CASP5: variants seen among roughly 807,000 people sequenced by gnomAD.
CASP5 encodes the protein caspase-5.
CASP5 carries 42 observed loss-of-function variants against 45.2 expected under a neutral mutation model. The ratio of observed to expected loss-of-function variants is 0.93; its 90% CI spans 0.73 to 1.20. The LOEUF (loss-of-function observed/expected upper bound fraction) is 1.20. Among genes scored for constraint, CASP5 ranks in the 50% most tolerant of loss-of-function variants. The pLI is 0.00. For missense variants in CASP5, 512 were observed against 532.2 expected (o/e 0.96, Z 0.37); for synonymous variants, 209 against 186.2 (o/e 1.12, Z -1.00).
intron 2 of CASP5, 62 bp downstream of exon 2, chr11:105,008,745 G>C: frequency 8.5e-7 from 1 of 1,179,872 alleles, no homozygotes; most frequent in Non-Finnish European, 1.3e-6. Flanking sequence ...CACTGCATGG[G>C]ACTTATAATT....
Position 105,021,398 on chromosome 11 carries a change from G to A in CASP5, c.7+1732C>T, listed in dbSNP as rs550792706. 5.0e-4 allele frequency among the ~76,000 whole-genome samples: 74 copies of A among 147,246 alleles called. 4 individuals are homozygous for A. Among genetic ancestry groups the A allele is most frequent in the African/African-American group, 1.5e-3 (63 of 40,796 alleles). ...ACCTACAAAATGGGAGAAAATTTTC[G>A]CAACCTACTCGTCTGACAAAGGGCT... On this transcript the variant is annotated intron_variant, in intron 1 of 9. Transcript: ENST00000260315.
intron 4 of CASP5, among the ~76,000 whole-genome samples, 194 bp from the exon 5 acceptor site, chr11:105,002,395 C>A (rs1861784641): frequency 6.6e-6 from 1 of 152,156 alleles, no homozygotes. Context: ...ACTCTAGAAT[C>A]TTGAGGAAAC....
chr11:104,999,579 T>A (rs144373473), intron 6 of CASP5, among the ~76,000 whole-genome samples: 1 of 152,122 alleles, frequency 6.6e-6, no homozygotes, highest in African/African-American at 2.4e-5. Context: ...ACTAATTTCA[T>A]ACATACATAC....
chr11:104,994,426 T>G (rs1861366289), intron 9 of CASP5, 79 bp from the exon 10 acceptor site: 1 of 152,234 alleles, frequency 6.6e-6, no homozygotes. Flanking sequence ...ATGATTCTTC[T>G]TCCATCTTCT....
intron 1 of CASP5, among the ~76,000 whole-genome samples, chr11:105,020,604 T>C (rs1327135567): frequency 2.0e-5 from 3 of 150,488 alleles, no homozygotes; most frequent in South Asian, 2.1e-4. Flanking sequence ...TTACAAGGGA[T>C]GTGAAGGACC....
At chr11:105,016,355 C>G (rs995577584) in intron 1 of CASP5, among the ~76,000 whole-genome samples, 4 of 152,132 alleles carry the variant, frequency 2.6e-5, no homozygotes, top group Non-Finnish European at 5.9e-5. Flanking sequence ...CCAGCGTGAG[C>G]GAGCAGAAGA....
chr11:105,007,322 T>G lies in CASP5; in HGVS notation c.194A>C (p.Lys65Thr), dbSNP rs935115596. 5 of 1,596,522 alleles carry G rather than the reference T, an allele frequency of 3.1e-6. No homozygotes were observed. The highest frequency in any genetic ancestry group is 4.2e-6 in the Non-Finnish European group (5 of 1,177,318). Reference sequence around the variant, plus strand: ...TTCCAACATCTTAACTGTTTTTTTTTTGTGGTTGTCTTCTGTCAGAAATAG... The same window carrying G: ...TTCCAACATCTTAACTGTTTTTTTTGTGTGGTTGTCTTCTGTCAGAAATAG... ...KSTSVKKDNH[K>T]KKTVKMLEYL... Residue 65 changes from lysine (K) to threonine (T), a missense_variant, in exon 3 of 10, where the codon AAA becomes ACA. By Grantham distance (78) the Lys-to-Thr change is moderately conservative. Transcript: ENST00000260315.
Position 105,008,958 on chromosome 11 carries a change from C to A in CASP5, c.30G>T (p.Arg10Ser). The change falls in exon 2 of 10, where the codon AGG (arginine) becomes AGT (serine). Residue 10 changes from arginine to serine, a missense_variant. Arg to Ser is a moderately radical substitution (Grantham distance 110). Coordinates refer to ENST00000260315, the MANE Select transcript of CASP5 (RefSeq NM_004347.5). ...TGAACATAGCTTCAAAATTCTTACGCCTTTTTTTTTTGCCACTGTCTTCTA... is the reference window on the plus strand; with the variant it reads ...TGAACATAGCTTCAAAATTCTTACGACTTTTTTTTTTGCCACTGTCTTCTA... The part of the protein sequence containing the change: MAEDSGKKK[R>S]RKNFEAMFKG... 1.9e-6 allele frequency: 3 copies of A among 1,609,714 alleles called. No homozygotes were observed. The highest frequency in any genetic ancestry group is 1.3e-5 in the African/African-American group (1 of 74,844).
chr11:105,001,926 C>T, intron 5 of CASP5, 102 bp downstream of exon 5: 1 of 1,169,912 alleles, frequency 8.5e-7, no homozygotes, highest in Non-Finnish European at 1.2e-6. Context: ...GCACACGAAC[C>T]CAGAGGTTGT....
chr11:105,007,521 C>T (rs1401420996), intron 2 of CASP5, among the ~76,000 whole-genome samples, 187 bp from the exon 3 acceptor site: 1 of 152,132 alleles, frequency 6.6e-6, no homozygotes, highest in Non-Finnish European at 1.5e-5. Context: ...TCATACCAGA[C>T]TGTGCTTAGC....
intron 1 of CASP5, among the ~76,000 whole-genome samples, chr11:105,015,937 C>G (rs905881923): frequency 6.6e-6 from 1 of 151,964 alleles, no homozygotes; most frequent in Non-Finnish European, 1.5e-5. Flanking sequence ...TTCTTATGAA[C>G]GTAAAAATCG....
intron 3 of CASP5, among the ~76,000 whole-genome samples, chr11:105,003,867 ATATT>A (rs1421626261): frequency 1.3e-5 from 2 of 150,710 alleles, no homozygotes; most frequent in Middle Eastern, 3.6e-3. Context: ...TTGTAATAAT[ATATT>A]TATTTAACAT....
Position 104,994,646 on chromosome 11 carries a change from CTG to C in CASP5, c.*5-301_*5-300del, listed in dbSNP as rs45475297. ...AAGCACATTGTGATGAGGCTCCTCA[CTG>C]TTTCTCCTAATTTGTCTCTGTCAGT... is the stretch of plus-strand genomic sequence containing the variant. On this transcript the variant is annotated intron_variant, in intron 9 of 9. Coordinates refer to ENST00000260315, the MANE Select transcript of CASP5 (RefSeq NM_004347.5). Among the ~76,000 whole-genome samples, 1,067 of 152,308 alleles carry C rather than the reference CTG, an allele frequency of 7.0e-3. 12 individuals are homozygous for C. The highest frequency in any genetic ancestry group is 0.024 in the African/African-American group (998 of 41,556).
chr11:105,016,671 G>T (rs368599020), intron 1 of CASP5, among the ~76,000 whole-genome samples: 1 of 150,730 alleles, frequency 6.6e-6, no homozygotes, highest in African/African-American at 2.4e-5. Flanking sequence ...ACGGAGTCTC[G>T]CTGATTGCTA....
At position 105,002,081 on chromosome 11, in the gene CASP5, G is replaced by A. The variant is rs749854910; in HGVS notation, c.664C>T (p.Leu222=). The change falls in exon 5 of 10, where the codon CTG becomes TTG. Residue 222 remains leucine, a synonymous_variant. Coordinates refer to ENST00000260315, the MANE Select transcript of CASP5 (RefSeq NM_004347.5). The part of the protein sequence containing the change: ...AHYDIVGMKR[L]LQGLGYTVVD... ...ACAGTGTAGCCCAGGCCTTGAAGCA[G>A]CCTTTTCATCCCCACGATGTCATAG... The A allele has an allele frequency of 1.9e-6, 3 of 1,614,164 alleles. No homozygotes were observed. The highest frequency in any genetic ancestry group is 3.3e-5 in the Admixed American group (2 of 60,024).
At chr11:105,015,304 T>C (rs889060806) in intron 1 of CASP5, among the ~76,000 whole-genome samples, 1 of 152,200 alleles carries the variant, frequency 6.6e-6, no homozygotes, top group East Asian at 1.9e-4. Context: ...TTTTAAATAT[T>C]CAGTCACAGA....
intron 4 of CASP5, among the ~76,000 whole-genome samples, 157 bp downstream of exon 4, chr11:105,003,117 T>A (rs1341210723): frequency 6.6e-6 from 1 of 152,158 alleles, no homozygotes; most frequent in Non-Finnish European, 1.5e-5. Context: ...GGAGAATCTC[T>A]TGAGCCCATG....
In CASP5 at chr11:104,995,740, A is replaced by G; in HGVS notation, c.*4T>C. 1 of 1,596,722 alleles carries G rather than the reference A, an allele frequency of 6.3e-7. No individual in the cohort carries two copies. The highest frequency in any genetic ancestry group is 8.6e-7 in the Non-Finnish European group (1 of 1,165,214). On this transcript the variant is annotated splice_region_variant and 3_prime_UTR_variant, in exon 9 of 10. Coordinates refer to ENST00000260315, the MANE Select transcript of CASP5 (RefSeq NM_004347.5). ...CCCTCCAACAACTCTCAATACTTAC[A>G]TTTTCAATTGCCAGGAAAGAGGTAG...
chr11:105,021,855 G>A (rs1862980364), intron 1 of CASP5, among the ~76,000 whole-genome samples: 1 of 150,102 alleles, frequency 6.7e-6, no homozygotes, highest in Non-Finnish European at 1.5e-5. Flanking sequence ...AAAGACACAT[G>A]CACACGTATG....
Sources: gnomAD v4.1 joint callset for allele counts (sites outside exome capture counted in the v4.1 genomes callset) on GRCh38, gnomAD v4.1.1 for gene constraint, MANE v1.5 for transcripts, NCBI Gene and HGNC (gene_info 2026-07-23, HGNC 2026-07-21) for gene names.